The following CELF2 variants were observed in gnomAD, a reference collection of about 807,000 sequenced individuals.
The protein encoded by CELF2 is CUGBP Elav-like family member 2, also known as CUG triplet repeat RNA-binding protein 2.
A neutral mutation model predicts 62.6 loss-of-function variants in CELF2; 8 were observed. That is an observed-to-expected ratio of 0.13 (90% CI 0.07 to 0.23). The LOEUF is 0.23. Ranked by LOEUF, CELF2 falls within the 10% of genes least tolerant of loss-of-function variation. The pLI is 1.00. For synonymous variants in CELF2, 258 were observed against 250.0 expected (o/e 1.03, Z -0.30); for missense variants, 333 against 671.0 (o/e 0.50, Z 5.56).
At chr10:10,542,583 G>T in the CELF2 span, among the ~76,000 whole-genome samples, 1 of 152,330 alleles carries the variant, frequency 6.6e-6, no homozygotes, top group South Asian at 2.1e-4. Context: ...GAGGCTGTTG[G>T]AATAGGGAAG....
intron 2 of CELF2, among the ~76,000 whole-genome samples, chr10:10,963,932 T>G (rs1437099936): frequency 2.6e-5 from 4 of 152,192 alleles, no homozygotes; most frequent in Non-Finnish European, 5.9e-5. Flanking sequence ...CTCTCCATAT[T>G]CACAGCCGTC....
chr10:11,049,766 A>G, intron 1 of CELF2, among the ~76,000 whole-genome samples: 1 of 152,078 alleles, frequency 6.6e-6, no homozygotes, highest in South Asian at 2.1e-4. Flanking sequence ...AATGGGTTGT[A>G]TGTGCACTCT....
At chr10:10,864,224 A>G (rs2060217772) in intron 1 of CELF2, among the ~76,000 whole-genome samples, 1 of 151,406 alleles carries the variant, frequency 6.6e-6, no homozygotes, top group Non-Finnish European at 1.5e-5. Context: ...TAAGCAAATC[A>G]CTTTAACATC....
rs57550375 is a variant in CELF2, at chr10:10,990,320, TAA to T, written c.89+70323_89+70324del. Reference sequence around the variant, plus strand: ...TGATCAATACAACCACAGTTTTATATAAAGAGACAAAGTATATGGATTGAAAA... The same window carrying T: ...TGATCAATACAACCACAGTTTTATATAGAGACAAAGTATATGGATTGAAAA... On this transcript the variant is annotated intron_variant, in intron 2 of 13. Coordinates refer to the CELF2 transcript ENST00000636488. This position sits in a 1 kb window ranked among gnomAD's most constrained non-coding sequence, Gnocchi z 4.6. Among the ~76,000 whole-genome samples the T allele has an allele frequency of 0.067, 10,222 of 152,144 alleles. 374 individuals are homozygous for T. Among genetic ancestry groups the T allele is most frequent in the Middle Eastern group, 0.1 (30 of 294 alleles).
At chr10:11,132,202 G>A (rs923510060) in intron 1 of CELF2, among the ~76,000 whole-genome samples, 2 of 152,140 alleles carry the variant, frequency 1.3e-5, no homozygotes, top group African/African-American at 4.8e-5. Context: ...GTAGTCAAGA[G>A]CAAAGAATAT....
chr10:10,942,035 C>T (rs2047110660), intron 2 of CELF2, among the ~76,000 whole-genome samples: 1 of 150,298 alleles, frequency 6.7e-6, no homozygotes, highest in Admixed American at 6.6e-5. Flanking sequence ...ATCTTCATAA[C>T]ATCATGTTTG....
chr10:11,150,505 T>C (rs1031104897), intron 1 of CELF2, among the ~76,000 whole-genome samples: 7 of 152,332 alleles, frequency 4.6e-5, no homozygotes, highest in Admixed American at 1.3e-4. Flanking sequence ...AGAACAAACA[T>C]ACAAACCTAA....
intron 1 of CELF2, among the ~76,000 whole-genome samples, chr10:10,799,038 G>A (rs569483790): frequency 4.5e-4 from 69 of 152,274 alleles, no homozygotes; most frequent in Non-Finnish European, 8.7e-4. Flanking sequence ...GGGGAGGTCG[G>A]GAAGCCTTGG....
Position 11,270,332 on chromosome 10 carries a change from A to G in CELF2, c.619-334A>G, listed in dbSNP as rs903907366. On this transcript the variant is annotated intron_variant, in intron 6 of 12. Coordinates refer to ENST00000633077, the MANE Select transcript of CELF2 (RefSeq NM_001326342.2). This position sits in a 1 kb window ranked among gnomAD's most constrained non-coding sequence, Gnocchi z 5.8. ...TAAGACGAGCAGCCTGAGAAGCTCA[A>G]TTAAAGAACCTTGGTAAGGTCTGTT... 6.6e-6 allele frequency among the ~76,000 whole-genome samples: 1 copy of G among 152,226 alleles called. No individual in the cohort carries two copies. The highest frequency in any genetic ancestry group is 1.5e-5 in the Non-Finnish European group (1 of 68,042).
chr10:11,155,799 C>T (rs2064250622), intron 1 of CELF2, among the ~76,000 whole-genome samples: 1 of 152,184 alleles, frequency 6.6e-6, no homozygotes, highest in Non-Finnish European at 1.5e-5. Context: ...TCCTTAATCT[C>T]AAGTGCGTTC....
the CELF2 span, among the ~76,000 whole-genome samples, chr10:10,611,313 T>C: frequency 6.6e-6 from 1 of 152,176 alleles, no homozygotes; most frequent in Admixed American, 6.5e-5. Flanking sequence ...GCACTGGGCT[T>C]ACCCTAACTT....
At chr10:10,823,715 C>T (rs2057158001) in intron 1 of CELF2, among the ~76,000 whole-genome samples, 1 of 152,106 alleles carries the variant, frequency 6.6e-6, no homozygotes, top group African/African-American at 2.4e-5. Flanking sequence ...TGGATCTCAC[C>T]TGCTATTTAA....
In CELF2 at chr10:11,246,280, C is replaced by T. The variant is rs1348983379; in HGVS notation, c.355-2873C>T. On this transcript the variant is annotated intron_variant, in intron 3 of 12. Coordinates refer to ENST00000633077, the MANE Select transcript of CELF2 (RefSeq NM_001326342.2). This position sits in a 1 kb window ranked among gnomAD's most constrained non-coding sequence, Gnocchi z 4.6. ...CCCAGGCATAATGTAGGTGCGCTCA[C>T]CTCATCTCTCCCATATCTTGAACCT... is the stretch of plus-strand genomic sequence containing the variant. Among the ~76,000 whole-genome samples the T allele has an allele frequency of 6.6e-6, 1 of 151,902 alleles. No individual in the cohort carries two copies. Among genetic ancestry groups the T allele is most frequent in the Non-Finnish European group, 1.5e-5 (1 of 68,004 alleles).
intron 1 of CELF2, among the ~76,000 whole-genome samples, chr10:10,857,649 G>GTTTATATATATATATATA (rs1554855649): frequency 5.7e-4 from 54 of 94,210 alleles, no homozygotes; most frequent in African/African-American, 1.7e-3. Context: ...CATATATATA[G>GTTTATATATATATATATA]TATATATATA....
chr10:10,685,995 T>G, the CELF2 span, among the ~76,000 whole-genome samples: 1 of 152,158 alleles, frequency 6.6e-6, no homozygotes, highest in African/African-American at 2.4e-5. Flanking sequence ...CCCTCCTTGA[T>G]CTTTCACTGA....
chr10:10,544,189 C>T, the CELF2 span, among the ~76,000 whole-genome samples: 1 of 152,188 alleles, frequency 6.6e-6, no homozygotes, highest in Non-Finnish European at 1.5e-5. Flanking sequence ...CTCCCTTGGG[C>T]CACCAGGTGG....
At chr10:10,907,823 A>G (rs1050670047) in intron 1 of CELF2, among the ~76,000 whole-genome samples, 2 of 152,198 alleles carry the variant, frequency 1.3e-5, no homozygotes, top group Non-Finnish European at 2.9e-5. Context: ...GATTGAATAC[A>G]TTGAATACAC....
intron 3 of CELF2, among the ~76,000 whole-genome samples, chr10:11,231,442 A>C (rs931833327): frequency 6.6e-6 from 1 of 152,180 alleles, no homozygotes; most frequent in Non-Finnish European, 1.5e-5. Flanking sequence ...AGAGTGGGGC[A>C]AGACAAGAGA....
the CELF2 span, among the ~76,000 whole-genome samples, chr10:10,610,417 A>G: frequency 6.6e-6 from 1 of 152,226 alleles, no homozygotes; most frequent in South Asian, 2.1e-4. Flanking sequence ...ATGTGTGAAT[A>G]TCATTTTATT....
Sources: gnomAD v4.1 joint callset for allele counts (sites outside exome capture counted in the v4.1 genomes callset) on GRCh38, gnomAD v4.1.1 for gene constraint, Gnocchi (gnomAD v3.1) non-coding constraint, MANE v1.5 for transcripts, NCBI Gene and HGNC (gene_info 2026-07-23, HGNC 2026-07-21) for gene names.